The following ELMOD3 variants were observed in gnomAD, a reference collection of about 807,000 sequenced individuals.
The protein encoded by ELMOD3 is ELMO domain containing 3.
A neutral mutation model predicts 47.4 loss-of-function variants in ELMOD3; 36 were observed. The observed-to-expected ratio is 0.76, with a 90% CI of 0.58 to 1.00. The LOEUF (loss-of-function observed/expected upper bound fraction) is 1.00, where lower values mean the gene tolerates loss of function less well. Among genes scored for constraint, ELMOD3 ranks in the 50% least tolerant of loss-of-function variants. The pLI is 0.00. For missense variants in ELMOD3, 404 were observed against 463.8 expected, an observed-to-expected ratio of 0.87 and a Z score of 1.18; for synonymous variants, 149 against 183.5, an observed-to-expected ratio of 0.81 and a Z score of 1.52.
At chr2:85,379,255 G>A (rs1685385660) in intron 11 of ELMOD3, among the ~76,000 whole-genome samples, 1 of 152,214 alleles carries the variant, frequency 6.6e-6, no homozygotes, top group Non-Finnish European at 1.5e-5. Context: ...TGTTGCCCAG[G>A]CTGGAGTGCA....
At chr2:85,386,182 C>G (rs557473156) in intron 11 of ELMOD3, among the ~76,000 whole-genome samples, 1 of 152,200 alleles carries the variant, frequency 6.6e-6, no homozygotes, top group East Asian at 1.9e-4. Context: ...TTTCTAAGCC[C>G]AAACGTGAGG....
At chr2:85,383,520 A>C (rs965478616) in intron 11 of ELMOD3, among the ~76,000 whole-genome samples, 6 of 152,062 alleles carry the variant, frequency 3.9e-5, no homozygotes, top group African/African-American at 1.2e-4. Context: ...GAGATAGAGA[A>C]GCTACTGGTC....
chr2:85,357,312 A>G (rs892701889), intron 4 of ELMOD3, 60 bp downstream of exon 4: 5 of 1,100,732 alleles, frequency 4.5e-6, no homozygotes, highest in East Asian at 5.0e-5. Flanking sequence ...CATTAAGTAT[A>G]GTAAGAATAT....
chr2:85,359,098 G>A (rs1340058975), intron 4 of ELMOD3, among the ~76,000 whole-genome samples: 3 of 152,042 alleles, frequency 2.0e-5, no homozygotes, highest in Admixed American at 1.3e-4. Flanking sequence ...ATGTAAATCA[G>A]CCCATTAATG....
At chr2:85,381,773 T>A (rs1436212836) in intron 11 of ELMOD3, among the ~76,000 whole-genome samples, 2 of 152,204 alleles carry the variant, frequency 1.3e-5, no homozygotes, top group African/African-American at 4.8e-5. Context: ...CAGTTTATTC[T>A]GATTGGCATC....
chr2:85,365,243 A>G (rs1335293411), intron 6 of ELMOD3, among the ~76,000 whole-genome samples: 1 of 151,668 alleles, frequency 6.6e-6, no homozygotes. Flanking sequence ...TACCAAAAAT[A>G]CAAAAATTAG....
intron 10 of ELMOD3, among the ~76,000 whole-genome samples, chr2:85,377,124 C>T (rs1279415110): frequency 6.6e-6 from 1 of 152,206 alleles, no homozygotes; most frequent in Non-Finnish European, 1.5e-5. Flanking sequence ...AGCAAGAAAA[C>T]TGATGTGGGA....
At position 85,364,834 on chromosome 2, in the gene ELMOD3, T is replaced by A. The variant is rs1274777885; in HGVS notation, c.199+1668T>A. ...ATATATATATATATATATTTTTTTTTTTTTTTTTTTTTTTCTTTCCAGAGA... is the reference window on the plus strand; with the variant it reads ...ATATATATATATATATATTTTTTTTATTTTTTTTTTTTTTCTTTCCAGAGA... On this transcript the variant is annotated intron_variant, in intron 6 of 13. Transcript: ENST00000409013. 6.2e-4 allele frequency among the ~76,000 whole-genome samples: 83 copies of A among 134,690 alleles called. No homozygotes were observed. The East Asian group carries it at 9.7e-3, about 16-fold the overall frequency. The allele number at this position is 134,690 out of a possible 152,430, so 88.4% of individuals were successfully genotyped here. A position where few individuals can be genotyped will look rare whatever the true frequency, so the allele number is the denominator to read the frequency against.
At chr2:85,358,090 G>A (rs1425165139) in intron 4 of ELMOD3, among the ~76,000 whole-genome samples, 1 of 151,996 alleles carries the variant, frequency 6.6e-6, no homozygotes, top group East Asian at 1.9e-4. Flanking sequence ...GACCAGCCTG[G>A]CTAACATGAT....
rs146826235 is a variant in ELMOD3 at position 85,385,351 on chromosome 2, A to C, written c.739-4400A>C. Among the ~76,000 whole-genome samples, 141 of 152,320 alleles carry C rather than the reference A, an allele frequency of 9.3e-4. 1 individual carries two copies. The highest frequency in any genetic ancestry group is 3.3e-3 in the African/African-American group (137 of 41,574). ...TGGGTGCAGGCGGGCTGAGTCCGAA[A>C]AGAGTCAGCGAAGGGAGATAGGGGT... On this transcript the variant is annotated intron_variant, in intron 11 of 13. Transcript: ENST00000409013.
intron 11 of ELMOD3, among the ~76,000 whole-genome samples, chr2:85,388,817 C>T (rs1686114668): frequency 6.6e-6 from 1 of 152,156 alleles, no homozygotes; most frequent in Admixed American, 6.6e-5. Flanking sequence ...CTGGTTGCCA[C>T]CATACTGGGC....
At chr2:85,387,748 G>A (rs554330828) in intron 11 of ELMOD3, among the ~76,000 whole-genome samples, 13 of 151,806 alleles carry the variant, frequency 8.6e-5, no homozygotes, top group African/African-American at 2.2e-4. Flanking sequence ...TGGCACTAGC[G>A]CTGGATTTCC....
chr2:85,371,156 AG>A lies in ELMOD3; in HGVS notation c.432del (p.Lys144AsnfsTer14), dbSNP rs767794151. Reference sequence around the variant, plus strand: ...CGACACTACCTCTTCGGGCCTCCAAAGCTCCACCAGCGCCTTCGGGAAGAAA... The same window carrying A: ...CGACACTACCTCTTCGGGCCTCCAAACTCCACCAGCGCCTTCGGGAAGAAA... ...ALRHYLFGPP[K>X]LHQRLREERD... On this transcript the variant is annotated frameshift_variant, in exon 9 of 14. Coordinates refer to ENST00000409013, the MANE Select transcript of ELMOD3 (RefSeq NM_001135022.2). LOFTEE classifies it high-confidence loss of function. 2.1e-5 allele frequency: 34 copies of A among 1,614,110 alleles called. No homozygotes were observed. The highest frequency in any genetic ancestry group is 2.5e-5 in the Non-Finnish European group (29 of 1,180,058).
chr2:85,357,258 C>T lies in ELMOD3; in HGVS notation c.54+6C>T. On this transcript the variant is annotated splice_donor_region_variant and intron_variant, in intron 4 of 13. Coordinates refer to ENST00000409013, the MANE Select transcript of ELMOD3 (RefSeq NM_001135022.2). ...AAGAATTAAGAGATGGACAGGTAAGCATGCACTCTTATTTGGGAAAGGTGG... is the reference window on the plus strand; with the variant it reads ...AAGAATTAAGAGATGGACAGGTAAGTATGCACTCTTATTTGGGAAAGGTGG... The T allele has an allele frequency of 6.3e-7, 1 of 1,577,852 alleles. No homozygotes were observed. The highest frequency in any genetic ancestry group is 8.7e-7 in the Non-Finnish European group (1 of 1,150,660).
chr2:85,388,709 C>T (rs1282105767), intron 11 of ELMOD3, among the ~76,000 whole-genome samples: 2 of 152,230 alleles, frequency 1.3e-5, no homozygotes, highest in Admixed American at 1.3e-4. Flanking sequence ...CCACTAAGCA[C>T]ACGTGACTAC....
chr2:85,366,847 A>G (rs186699096), intron 6 of ELMOD3, among the ~76,000 whole-genome samples: 1 of 152,324 alleles, frequency 6.6e-6, no homozygotes, highest in East Asian at 1.9e-4. Flanking sequence ...GGCAGAGAGG[A>G]GCTGTCCCAA....
At chr2:85,362,408 G>T in intron 5 of ELMOD3, 148 bp downstream of exon 5, 1 of 613,914 alleles carries the variant, frequency 1.6e-6, no homozygotes, top group African/African-American at 1.9e-5. Flanking sequence ...GTGAGGGGAG[G>T]GTGTATGGAA....
intron 6 of ELMOD3, among the ~76,000 whole-genome samples, chr2:85,364,232 C>T (rs1684191146): frequency 6.6e-6 from 1 of 150,734 alleles, no homozygotes; most frequent in Admixed American, 6.6e-5. Context: ...TTCAAGCAGT[C>T]TTCCCACCTC....
intron 4 of ELMOD3, chr2:85,357,543 A>G (rs1314838506): frequency 3.9e-6 from 1 of 254,416 alleles, no homozygotes; most frequent in Non-Finnish European, 7.5e-6. Flanking sequence ...TCATTACCTT[A>G]CTAGCCTCTT....
Sources: gnomAD v4.1 joint callset for allele counts (sites outside exome capture counted in the v4.1 genomes callset) on GRCh38, gnomAD v4.1.1 for gene constraint, MANE v1.5 for transcripts, NCBI Gene and HGNC (gene_info 2026-07-23, HGNC 2026-07-21) for gene names.